The following GOLIM4 variants were observed in gnomAD, a reference collection of about 807,000 sequenced individuals.
The protein encoded by GOLIM4 is 130 kDa golgi-localized phosphoprotein.
In GOLIM4, 71 loss-of-function variants were observed where a neutral mutation model predicts 107.4. That is an observed-to-expected ratio of 0.66 (90% confidence interval 0.55 to 0.81). The LOEUF (loss-of-function observed/expected upper bound fraction) is 0.81. Ranked by LOEUF, GOLIM4 falls within the 30% of genes least tolerant of loss-of-function variation. GOLIM4 has a pLI of 0.00. For synonymous variants in GOLIM4, 327 were observed against 294.8 expected (o/e 1.11, Z -1.12); for missense variants, 830 against 826.1 (o/e 1.00, Z -0.06).
intron 14 of GOLIM4, among the ~76,000 whole-genome samples, chr3:168,016,339 G>A: frequency 7.5e-6 from 1 of 133,512 alleles, no homozygotes; most frequent in Non-Finnish European, 1.5e-5. Flanking sequence ...AAACCACAAT[G>A]AGATACCATC....
intron 1 of GOLIM4, among the ~76,000 whole-genome samples, chr3:168,058,594 G>A (rs993465596): frequency 1.3e-5 from 2 of 152,096 alleles, no homozygotes; most frequent in Admixed American, 6.5e-5. Context: ...ATAAATACAC[G>A]TTGTGAGAAG....
chr3:168,065,450 C>T (rs1720500474), intron 1 of GOLIM4, among the ~76,000 whole-genome samples: 1 of 152,152 alleles, frequency 6.6e-6, no homozygotes. Flanking sequence ...TAAACTAAGA[C>T]CCTGCCCCAT....
chr3:168,063,913 T>C (rs972220501), intron 1 of GOLIM4, among the ~76,000 whole-genome samples: 3 of 152,152 alleles, frequency 2.0e-5, no homozygotes, highest in Non-Finnish European at 4.4e-5. Context: ...ATAGTATTTA[T>C]GGGACTGTGG....
intron 1 of GOLIM4, among the ~76,000 whole-genome samples, chr3:168,090,147 G>A (rs2108297361): frequency 6.6e-6 from 1 of 152,238 alleles, no homozygotes; most frequent in South Asian, 2.1e-4. Flanking sequence ...TCATGCTTAG[G>A]CCAGTGGGCC....
intron 1 of GOLIM4, among the ~76,000 whole-genome samples, chr3:168,071,673 G>A (rs1048802083): frequency 6.6e-6 from 1 of 151,432 alleles, no homozygotes; most frequent in African/African-American, 2.4e-5. Flanking sequence ...ATGACTAAAA[G>A]AGAATGCCGA....
At chr3:168,023,838 GCAC>G (rs1717845003) in intron 14 of GOLIM4, among the ~76,000 whole-genome samples, 1 of 152,258 alleles carries the variant, frequency 6.6e-6, no homozygotes, top group Admixed American at 6.5e-5. Context: ...ACCACATGCA[GCAC>G]CACAATAATC....
intron 1 of GOLIM4, among the ~76,000 whole-genome samples, chr3:168,056,785 T>C (rs1321026465): frequency 6.6e-6 from 1 of 152,244 alleles, no homozygotes; most frequent in Non-Finnish European, 1.5e-5. Context: ...TGTACCCTCA[T>C]TGTATCTAGG....
intron 1 of GOLIM4, among the ~76,000 whole-genome samples, chr3:168,068,832 A>T (rs1294533663): frequency 4.2e-5 from 6 of 141,764 alleles, no homozygotes; most frequent in African/African-American, 1.8e-4. Flanking sequence ...ATTTTATTTT[A>T]TTTTATTTTT....
At chr3:168,095,048 G>A in intron 1 of GOLIM4, 51 bp downstream of exon 1, 1 of 1,444,356 alleles carries the variant, frequency 6.9e-7, no homozygotes, top group Non-Finnish European at 9.6e-7. Flanking sequence ...TGCCCGGGTG[G>A]AGGCGCGGGG....
At chr3:168,049,412 G>A (rs986096648) in intron 1 of GOLIM4, among the ~76,000 whole-genome samples, 2 of 152,066 alleles carry the variant, frequency 1.3e-5, no homozygotes, top group South Asian at 2.1e-4. Context: ...TTTCATCCAG[G>A]AACAGAAAAC....
Position 168,030,037 on chromosome 3 carries a change from C to T in GOLIM4, c.1177-1G>A, listed in dbSNP as rs1271814700. On this transcript the variant is annotated splice_acceptor_variant, in intron 9 of 15. Transcript: ENST00000470487. LOFTEE classifies it high-confidence loss of function. ...TCATTGGCTTGGCTGAAGGGTACAC[C>T]TAGGGTGAAAAAGAGTTGGTGCAGA... The T allele has an allele frequency of 6.2e-7, 1 of 1,613,462 alleles. No individual in the cohort carries two copies. Among genetic ancestry groups the T allele is most frequent in the Non-Finnish European group, 8.5e-7 (1 of 1,179,488 alleles).
intron 12 of GOLIM4, among the ~76,000 whole-genome samples, chr3:168,027,009 G>A (rs960024682): frequency 6.6e-6 from 1 of 152,190 alleles, no homozygotes; most frequent in African/African-American, 2.4e-5. Context: ...AAAATAAGCT[G>A]TAAAAATCAT....
chr3:168,073,972 G>T (rs1471097206), intron 1 of GOLIM4, among the ~76,000 whole-genome samples: 1 of 152,160 alleles, frequency 6.6e-6, no homozygotes, highest in Non-Finnish European at 1.5e-5. Context: ...CCCAAGTGGT[G>T]TTATGTCACC....
At position 168,044,846 on chromosome 3, in the gene GOLIM4, G is replaced by T; in HGVS notation, c.348C>A (p.Val116=). Residue 116 remains valine, a synonymous_variant, in exon 4 of 16, where the codon GTC becomes GTA. Transcript: ENST00000470487. ...DSNSRYSALN[V]QHQMLKSQHE... ...TACTCACTTTCAACATCTGATGTTG[G>T]ACATTCAGTGCACTGTATCTGCTAT... 6.4e-7 allele frequency: 1 copy of T among 1,558,642 alleles called. No individual in the cohort carries two copies. Among genetic ancestry groups the T allele is most frequent in the Non-Finnish European group, 8.7e-7 (1 of 1,148,350 alleles).
At chr3:168,021,693 A>G (rs1426598697) in intron 14 of GOLIM4, among the ~76,000 whole-genome samples, 1 of 152,056 alleles carries the variant, frequency 6.6e-6, no homozygotes. Context: ...ACAAAAAAAA[A>G]AGAAAAGCTT....
chr3:168,088,513 C>T (rs901622546), intron 1 of GOLIM4, among the ~76,000 whole-genome samples: 3 of 152,160 alleles, frequency 2.0e-5, no homozygotes, highest in African/African-American at 7.2e-5. Flanking sequence ...GGCTGAAGTT[C>T]AGAGAGGTTA....
At chr3:168,031,605 G>C (rs886448824) in intron 9 of GOLIM4, among the ~76,000 whole-genome samples, 1 of 152,184 alleles carries the variant, frequency 6.6e-6, no homozygotes, top group Non-Finnish European at 1.5e-5. Context: ...AGCTGGTGGG[G>C]AATTACTTCC....
chr3:168,060,518 G>A (rs1156307820), intron 1 of GOLIM4, among the ~76,000 whole-genome samples: 10 of 152,184 alleles, frequency 6.6e-5, no homozygotes, highest in Non-Finnish European at 1.3e-4. Flanking sequence ...AGAGTGATGT[G>A]CTCAGCCTGG....
At chr3:168,071,462 G>C (rs182657485) in intron 1 of GOLIM4, among the ~76,000 whole-genome samples, 1 of 152,006 alleles carries the variant, frequency 6.6e-6, no homozygotes, top group African/African-American at 2.4e-5. Flanking sequence ...ATTAAGAAGA[G>C]AGCAACCTGG....
Sources: allele counts gnomAD v4.1 joint callset (sites outside exome capture counted in the v4.1 genomes callset), GRCh38; gene constraint gnomAD v4.1.1; transcripts MANE v1.5; gene names NCBI Gene and HGNC (gene_info 2026-07-23, HGNC 2026-07-21).